SMYD3: variants seen among roughly 807,000 people sequenced by gnomAD.
SMYD3 encodes SET and MYND domain containing 3.
In SMYD3, 36 loss-of-function variants were observed where a neutral mutation model predicts 57.7. That is an observed-to-expected ratio of 0.62 (90% CI 0.48 to 0.82). The LOEUF is 0.82. SMYD3 is among the 40% of genes least tolerant of loss of function. The probability of loss-of-function intolerance (pLI) is 0.00; values close to 1 mark genes in which losing one functional copy is unlikely to be tolerated. For missense variants in SMYD3, 515 were observed against 538.8 expected (o/e 0.96, Z 0.44); for synonymous variants, 211 against 195.0 (o/e 1.08, Z -0.68).
At chr1:246,314,975 T>A (rs1442078510) in intron 5 of SMYD3, among the ~76,000 whole-genome samples, 1 of 152,214 alleles carries the variant, frequency 6.6e-6, no homozygotes. Flanking sequence ...AGCAGCTAAG[T>A]TCTTGAGCAC....
At chr1:245,966,721 T>C (rs10924417) in intron 5 of SMYD3, among the ~76,000 whole-genome samples, 19,762 of 152,090 alleles carry the variant, frequency 0.13, 1,625 homozygotes, top group East Asian at 0.41. Flanking sequence ...TTATTTCCTT[T>C]CTACCCCCAA....
chr1:245,814,090 C>T (rs1023122604), intron 10 of SMYD3, among the ~76,000 whole-genome samples: 1 of 151,670 alleles, frequency 6.6e-6, no homozygotes, highest in Admixed American at 6.6e-5. Flanking sequence ...AATTGATATC[C>T]TCACATAATG....
chr1:246,481,607 T>TATATATATACAC (rs1156393004), intron 1 of SMYD3, among the ~76,000 whole-genome samples: 5 of 61,970 alleles, frequency 8.1e-5, no homozygotes, highest in Admixed American at 4.7e-4. Flanking sequence ...TATATATATA[T>TATATATATACAC]ACACATACAT....
chr1:245,812,701 C>CAAAAAAAAAAAA (rs10636374), intron 10 of SMYD3, among the ~76,000 whole-genome samples: 1 of 130,946 alleles, frequency 7.6e-6, no homozygotes, highest in Admixed American at 8.0e-5. Context: ...ACAACAGTTC[C>CAAAAAAAAAAAA]AAAAAAAAAA....
chr1:246,500,490 T>C (rs927467106), intron 1 of SMYD3, among the ~76,000 whole-genome samples: 5 of 152,042 alleles, frequency 3.3e-5, no homozygotes, highest in African/African-American at 9.7e-5. Flanking sequence ...AGGAAAAAAA[T>C]TGATATTCCA....
intron 5 of SMYD3, among the ~76,000 whole-genome samples, chr1:245,942,100 G>C (rs1267145791): frequency 6.6e-6 from 1 of 152,144 alleles, no homozygotes; most frequent in African/African-American, 2.4e-5. Context: ...CTAGCATCAT[G>C]ATGACAGGAT....
intron 5 of SMYD3, among the ~76,000 whole-genome samples, chr1:246,009,517 C>G (rs1025923612): frequency 6.6e-6 from 1 of 152,086 alleles, no homozygotes; most frequent in Non-Finnish European, 1.5e-5. Flanking sequence ...TGTGTGTATA[C>G]ACATACACAC....
At chr1:246,375,272 A>C (rs973774197) in intron 1 of SMYD3, among the ~76,000 whole-genome samples, 10 of 149,532 alleles carry the variant, frequency 6.7e-5, no homozygotes, top group Non-Finnish European at 1.2e-4. Flanking sequence ...CAGTAACTTT[A>C]TAAAACATAC....
intron 1 of SMYD3, among the ~76,000 whole-genome samples, chr1:246,475,045 G>A (rs531546304): frequency 5.9e-5 from 9 of 152,224 alleles, no homozygotes; most frequent in East Asian, 3.9e-4. Context: ...GGTCGGGCGC[G>A]GTGGCTCACA....
chr1:246,039,975 T>C (rs2059840141), intron 5 of SMYD3, among the ~76,000 whole-genome samples: 1 of 152,236 alleles, frequency 6.6e-6, no homozygotes, highest in African/African-American at 2.4e-5. Flanking sequence ...CAGCATTGAT[T>C]AGTACCATTG....
At chr1:246,363,731 G>A (rs1354043292) in intron 1 of SMYD3, among the ~76,000 whole-genome samples, 2 of 151,924 alleles carry the variant, frequency 1.3e-5, no homozygotes, top group Non-Finnish European at 2.9e-5. Context: ...CAGCATGCTC[G>A]TTAAGAGTCA....
chr1:245,997,182 T>C (rs2058947297), intron 5 of SMYD3, among the ~76,000 whole-genome samples: 1 of 152,216 alleles, frequency 6.6e-6, no homozygotes, highest in Non-Finnish European at 1.5e-5. Flanking sequence ...ATGCCAAATA[T>C]GGGGAACCCC....
chr1:245,887,947 G>A (rs2053176524), intron 8 of SMYD3, among the ~76,000 whole-genome samples: 1 of 152,174 alleles, frequency 6.6e-6, no homozygotes, highest in East Asian at 1.9e-4. Flanking sequence ...GTAATTATGG[G>A]TGAGTAATAA....
intron 5 of SMYD3, among the ~76,000 whole-genome samples, chr1:246,226,052 T>C (rs182485174): frequency 7.2e-5 from 11 of 152,316 alleles, no homozygotes; most frequent in African/African-American, 2.6e-4. Flanking sequence ...ACTTGCTTTT[T>C]TTCACACTGT....
At chr1:245,960,896 G>A (rs1235154527) in intron 5 of SMYD3, among the ~76,000 whole-genome samples, 1 of 152,152 alleles carries the variant, frequency 6.6e-6, no homozygotes, top group Non-Finnish European at 1.5e-5. Context: ...ACATTTGGAA[G>A]TTCATAACTC....
At chr1:246,147,523 G>A (rs2061870168) in intron 5 of SMYD3, among the ~76,000 whole-genome samples, 1 of 152,276 alleles carries the variant, frequency 6.6e-6, no homozygotes, top group East Asian at 1.9e-4. Flanking sequence ...TGGAGGCGGT[G>A]GGAGCCTCAC....
chr1:246,093,895 G>A (rs958082130), intron 5 of SMYD3, among the ~76,000 whole-genome samples: 26 of 151,802 alleles, frequency 1.7e-4, no homozygotes, highest in African/African-American at 4.6e-4. Flanking sequence ...CTTCTTACCC[G>A]CCAAATACTT....
At chr1:246,254,729 G>A (rs978384928) in intron 5 of SMYD3, among the ~76,000 whole-genome samples, 47 of 152,152 alleles carry the variant, frequency 3.1e-4, no homozygotes, top group African/African-American at 1.0e-3. Flanking sequence ...GGGCAGAATG[G>A]CCATTTTAGT....
At chr1:245,990,805 G>GT (rs2058798022) in intron 5 of SMYD3, among the ~76,000 whole-genome samples, 1 of 152,214 alleles carries the variant, frequency 6.6e-6, no homozygotes, top group Admixed American at 6.5e-5. Context: ...CTACAGAGCT[G>GT]TAAGATAACA....
Sources: gnomAD v4.1 joint callset for allele counts (sites outside exome capture counted in the v4.1 genomes callset) on GRCh38, gnomAD v4.1.1 for gene constraint, MANE v1.5 for transcripts, NCBI Gene and HGNC (gene_info 2026-07-23, HGNC 2026-07-21) for gene names.